Variants in FHIT observed in about 807,000 individuals in gnomAD.
The protein encoded by FHIT is bis(5'-adenosyl)-triphosphatase.
Under a neutral mutation model 17.9 loss-of-function variants are expected in FHIT, and 19 were observed. The ratio of observed to expected loss-of-function variants is 1.06; its 90% CI spans 0.74 to 1.56. The LOEUF is 1.56. Ranked by LOEUF, FHIT falls within the 40% of genes most tolerant of loss-of-function variation. FHIT has a pLI of 0.00. For missense variants in FHIT, 248 were observed against 189.2 expected (o/e 1.31, Z -1.82); for synonymous variants, 81 against 69.7 (o/e 1.16, Z -0.81).
At chr3:61,226,707 A>C (rs2039980231) in intron 1 of FHIT, among the ~76,000 whole-genome samples, 1 of 152,218 alleles carries the variant, frequency 6.6e-6, no homozygotes, top group South Asian at 2.1e-4. Flanking sequence ...GAGAGAGAGA[A>C]AGAGAAAAAA....
At chr3:60,693,145 G>T (rs2041032025) in intron 4 of FHIT, among the ~76,000 whole-genome samples, 1 of 152,116 alleles carries the variant, frequency 6.6e-6, no homozygotes, top group Non-Finnish European at 1.5e-5. Flanking sequence ...GTTGAACCAG[G>T]TATAATAGAG....
At chr3:59,974,999 T>C (rs1015661408) in intron 7 of FHIT, among the ~76,000 whole-genome samples, 5 of 152,274 alleles carry the variant, frequency 3.3e-5, no homozygotes, top group African/African-American at 4.8e-5. Flanking sequence ...CTTTTCTTCA[T>C]TGCACTAATC....
In FHIT at chr3:60,895,651, C is replaced by CTCCT. The variant is rs1324641044; in HGVS notation, c.-110-73644_-110-73641dup. 7.8e-3 allele frequency among the ~76,000 whole-genome samples: 1,057 copies of CTCCT among 135,984 alleles called. 15 individuals carry two copies. Among genetic ancestry groups the CTCCT allele is most frequent in the South Asian group, 0.016 (67 of 4,216 alleles). The allele number at this position is 135,984 out of a possible 152,430, so 89.2% of individuals were successfully genotyped here. On this transcript the variant is annotated intron_variant, in intron 3 of 9. Coordinates refer to ENST00000492590, the MANE Select transcript of FHIT (RefSeq NM_002012.4). ...TTTCTCCCTTCTTTCCTTCCTTTCCCTCCTTCCTTCCTTCCTTTCTTTCTT... is the reference window on the plus strand; with the variant it reads ...TTTCTCCCTTCTTTCCTTCCTTTCCCTCCTTCCTTCCTTCCTTCCTTTCTTTCTT...
chr3:60,787,035 A>T (rs1700605463), intron 4 of FHIT, among the ~76,000 whole-genome samples: 1 of 150,930 alleles, frequency 6.6e-6, no homozygotes, highest in Non-Finnish European at 1.5e-5. Context: ...GAAGTTGGCC[A>T]GGAGAAAGGG....
At chr3:61,056,824 C>A (rs112650485) in intron 2 of FHIT, among the ~76,000 whole-genome samples, 215 of 152,266 alleles carry the variant, frequency 1.4e-3, no homozygotes, top group African/African-American at 4.8e-3. Flanking sequence ...AGCTACATAG[C>A]ACCTAAAATA....
At chr3:60,303,277 T>C (rs1207018236) in intron 5 of FHIT, among the ~76,000 whole-genome samples, 1 of 152,158 alleles carries the variant, frequency 6.6e-6, no homozygotes, top group Admixed American at 6.5e-5. Context: ...ATAGGCATTT[T>C]CACTGGTTTA....
intron 2 of FHIT, among the ~76,000 whole-genome samples, chr3:61,158,850 A>C (rs1341638891): frequency 6.6e-6 from 1 of 152,216 alleles, no homozygotes; most frequent in Non-Finnish European, 1.5e-5. Context: ...ATTGCCAGAC[A>C]CCATAAAACA....
chr3:59,764,690 A>G (rs1382646308), intron 8 of FHIT, among the ~76,000 whole-genome samples: 1 of 152,058 alleles, frequency 6.6e-6, no homozygotes, highest in East Asian at 1.9e-4. Flanking sequence ...TATGCTTACC[A>G]TGCATGACAG....
intron 2 of FHIT, among the ~76,000 whole-genome samples, chr3:61,043,132 G>A (rs2033606140): frequency 6.6e-6 from 1 of 152,152 alleles, no homozygotes; most frequent in Non-Finnish European, 1.5e-5. Context: ...ACCCCATGGA[G>A]TGTGAGCCAA....
At chr3:59,999,974 A>T (rs1293529676) in intron 7 of FHIT, among the ~76,000 whole-genome samples, 3 of 152,138 alleles carry the variant, frequency 2.0e-5, no homozygotes, top group Admixed American at 6.5e-5. Context: ...ACAATCCAAT[A>T]ATGTCACCTA....
intron 5 of FHIT, among the ~76,000 whole-genome samples, chr3:60,136,975 T>C (rs1043718956): frequency 7.9e-5 from 12 of 152,168 alleles, no homozygotes; most frequent in African/African-American, 2.9e-4. Flanking sequence ...CTCTTCTAAT[T>C]AGAATAAAAT....
At chr3:60,526,468 G>A (rs1012016857) in intron 5 of FHIT, among the ~76,000 whole-genome samples, 8 of 152,086 alleles carry the variant, frequency 5.3e-5, no homozygotes, top group African/African-American at 1.7e-4. Flanking sequence ...GTCATTTACA[G>A]GAACCGGGGG....
intron 3 of FHIT, among the ~76,000 whole-genome samples, chr3:60,872,298 G>T (rs1704448841): frequency 6.6e-6 from 1 of 152,136 alleles, no homozygotes; most frequent in Non-Finnish European, 1.5e-5. Context: ...ACTTGTAGCA[G>T]AAAGTTAATT....
rs1703741456 is a variant in FHIT at position 60,091,723 on chromosome 3, C to G, written c.104-77571G>C. 2.0e-5 allele frequency among the ~76,000 whole-genome samples: 3 copies of G among 152,114 alleles called. No individual in the cohort carries two copies. The South Asian group carries it at 6.2e-4, about 32-fold the overall frequency. On this transcript the variant is annotated intron_variant, in intron 5 of 9. Transcript: ENST00000492590. ...TCATGATAGTAAGTTACCATGAGAT[C>G]TGGCTGTTTAAAAGTGTGCGGCACC...
chr3:61,236,429 C>T (rs1034665566), intron 1 of FHIT, among the ~76,000 whole-genome samples: 1 of 152,030 alleles, frequency 6.6e-6, no homozygotes, highest in African/African-American at 2.4e-5. Flanking sequence ...AAACTGAGAA[C>T]TTAAATGAGT....
intron 4 of FHIT, among the ~76,000 whole-genome samples, chr3:60,649,524 T>C (rs1459744664): frequency 1.3e-5 from 2 of 152,232 alleles, no homozygotes; most frequent in Non-Finnish European, 2.9e-5. Flanking sequence ...ATTTCACTCA[T>C]ACAATGTAAT....
At chr3:59,802,970 C>G (rs1700057940) in intron 8 of FHIT, among the ~76,000 whole-genome samples, 1 of 152,232 alleles carries the variant, frequency 6.6e-6, no homozygotes, top group South Asian at 2.1e-4. Context: ...CTTACCTATT[C>G]TACTTGACTG....
chr3:60,610,791 G>C (rs541345970), intron 4 of FHIT, among the ~76,000 whole-genome samples: 44 of 152,292 alleles, frequency 2.9e-4, no homozygotes, highest in African/African-American at 9.1e-4. Flanking sequence ...TGTCATTTCA[G>C]TTATGCAAGA....
intron 4 of FHIT, among the ~76,000 whole-genome samples, chr3:60,767,981 A>G (rs1699911509): frequency 6.6e-6 from 1 of 152,220 alleles, no homozygotes; most frequent in South Asian, 2.1e-4. Flanking sequence ...CCCAAACCTA[A>G]GACTTCATGG....
Sources: gnomAD v4.1 joint callset for allele counts (sites outside exome capture counted in the v4.1 genomes callset) on GRCh38, gnomAD v4.1.1 for gene constraint, MANE v1.5 for transcripts, NCBI Gene and HGNC (gene_info 2026-07-23, HGNC 2026-07-21) for gene names.